Variants in FARP1 observed in about 807,000 individuals in gnomAD.
The protein encoded by FARP1 is FERM, ARHGEF and pleckstrin domain-containing protein 1.
FARP1 carries 52 observed loss-of-function variants against 128.8 expected under a neutral mutation model. The observed-to-expected ratio is 0.40, with a 90% CI of 0.32 to 0.51. FARP1 has a LOEUF of 0.51. Ranked by LOEUF, FARP1 falls within the 20% of genes least tolerant of loss-of-function variation. The pLI is 0.45. For synonymous variants in FARP1, 580 were observed against 551.8 expected (o/e 1.05, Z -0.72); for missense variants, 1,333 against 1,367.9 (o/e 0.97, Z 0.40).
intron 1 of FARP1, among the ~76,000 whole-genome samples, chr13:98,147,182 G>A (rs917366678): frequency 6.6e-6 from 1 of 152,158 alleles, no homozygotes. Flanking sequence ...TTGGCCAAGT[G>A]GATACTTTGA....
At chr13:98,371,223 T>G (rs969288751) in intron 5 of FARP1, among the ~76,000 whole-genome samples, 1 of 146,760 alleles carries the variant, frequency 6.8e-6, no homozygotes, top group African/African-American at 2.5e-5. Flanking sequence ...CCCCCGTTTT[T>G]TTTTTTTTTT....
At chr13:98,368,051 T>G in intron 4 of FARP1, 66 bp from the exon 5 acceptor site, 1 of 1,304,330 alleles carries the variant, frequency 7.7e-7, no homozygotes, top group Non-Finnish European at 1.1e-6. Context: ...TGTAAAGTCT[T>G]TTTCTTTAAT....
In FARP1 at chr13:98,454,938, TAAAGTTTTAAACAC is replaced by T. The variant is rs1468857977; in HGVS notation, c.*6624_*6637del. On this transcript the variant is annotated 3_prime_UTR_variant, in exon 27 of 27. Transcript: ENST00000319562. ...GCTTCCCCCATGCATCACTGCAAAG[TAAAGTTTTAAACAC>T]AACACAGACATCAGGTAGCTACAGA... The T allele has an allele frequency of 6.6e-6, 1 of 152,248 alleles. No homozygotes were observed. Among genetic ancestry groups the T allele is most frequent in the Non-Finnish European group, 1.5e-5 (1 of 68,090 alleles). 9.4% of individuals were successfully genotyped at this position (152,248 alleles called of 1,614,324 possible).
intron 1 of FARP1, among the ~76,000 whole-genome samples, chr13:98,193,302 C>G (rs1488261477): frequency 1.3e-5 from 2 of 152,106 alleles, no homozygotes; most frequent in Non-Finnish European, 2.9e-5. Flanking sequence ...GTGATCCACC[C>G]GCCTCGGCCT....
At chr13:98,355,038 G>T (rs1245919016) in intron 3 of FARP1, among the ~76,000 whole-genome samples, 1 of 152,112 alleles carries the variant, frequency 6.6e-6, no homozygotes, top group Non-Finnish European at 1.5e-5. Flanking sequence ...GATAAAATAT[G>T]AAACCATTTT....
chr13:98,228,614 A>G (rs1452631225), intron 2 of FARP1, among the ~76,000 whole-genome samples: 1 of 152,164 alleles, frequency 6.6e-6, no homozygotes, highest in Admixed American at 6.5e-5. Context: ...GATCCATCAG[A>G]CCCTTTAAGG....
chr13:98,149,330 G>A (rs950556373), intron 1 of FARP1, among the ~76,000 whole-genome samples: 33 of 152,048 alleles, frequency 2.2e-4, no homozygotes, highest in Non-Finnish European at 4.6e-4. Context: ...TCCGTGGCTG[G>A]ATATGCTATG....
chr13:98,344,613 A>T (rs74630821), intron 3 of FARP1, among the ~76,000 whole-genome samples: 1 of 152,210 alleles, frequency 6.6e-6, no homozygotes, highest in East Asian at 1.9e-4. Flanking sequence ...TGTGATTATT[A>T]TGAATGTCTG....
intron 13 of FARP1, chr13:98,404,099 C>G (rs1241736829): frequency 1.3e-5 from 2 of 152,668 alleles, no homozygotes; most frequent in African/African-American, 2.4e-5. Context: ...TCTCCTGTGT[C>G]TTTTCCTCAT....
At chr13:98,165,709 G>GTTTTT (rs1566685742) in intron 1 of FARP1, among the ~76,000 whole-genome samples, 9 of 102,400 alleles carry the variant, frequency 8.8e-5, no homozygotes, top group Admixed American at 2.2e-4. Flanking sequence ...TTCCAGAAGG[G>GTTTTT]GTTTTTTTTT....
chr13:98,313,313 A>ACAC (rs1886572345), intron 2 of FARP1, among the ~76,000 whole-genome samples: 1 of 139,392 alleles, frequency 7.2e-6, no homozygotes, highest in African/African-American at 2.7e-5. Context: ...CCTTCCCCCA[A>ACAC]ACACACACAC....
chr13:98,434,203 C>A (rs1262248624), intron 18 of FARP1: 2 of 152,166 alleles, frequency 1.3e-5, no homozygotes, highest in Non-Finnish European at 2.9e-5. Flanking sequence ...CACGCCCCTG[C>A]CCCTGAGCAC....
intron 2 of FARP1, among the ~76,000 whole-genome samples, chr13:98,323,024 C>T (rs1477275780): frequency 1.3e-5 from 2 of 152,170 alleles, no homozygotes; most frequent in African/African-American, 4.8e-5. Context: ...TATATGGTTG[C>T]TGGCACTACA....
At chr13:98,167,327 C>CT (rs1877335268) in intron 1 of FARP1, among the ~76,000 whole-genome samples, 1 of 149,810 alleles carries the variant, frequency 6.7e-6, no homozygotes, top group Non-Finnish European at 1.5e-5. Flanking sequence ...TGGCTTTGCA[C>CT]TTTTTTAGTT....
At chr13:98,261,276 G>C (rs1279955057) in intron 2 of FARP1, among the ~76,000 whole-genome samples, 1 of 152,298 alleles carries the variant, frequency 6.6e-6, no homozygotes, top group South Asian at 2.1e-4. Context: ...TCATGTGTGG[G>C]CGACCCCTGG....
At chr13:98,337,445 T>G (rs1338315963) in intron 2 of FARP1, among the ~76,000 whole-genome samples, 2 of 152,112 alleles carry the variant, frequency 1.3e-5, no homozygotes, top group African/African-American at 4.8e-5. Context: ...CATCAGATCC[T>G]TCTCATATTA....
intron 2 of FARP1, among the ~76,000 whole-genome samples, chr13:98,282,807 A>C (rs1338722676): frequency 1.3e-5 from 2 of 152,208 alleles, no homozygotes; most frequent in African/African-American, 2.4e-5. Context: ...AGGCTGAGGC[A>C]GGAGAATCGC....
chr13:98,218,684 G>A (rs529213405), intron 2 of FARP1, among the ~76,000 whole-genome samples: 18 of 152,252 alleles, frequency 1.2e-4, no homozygotes, highest in African/African-American at 3.9e-4. Flanking sequence ...TGCCAGTTGC[G>A]GGCCGCAGGA....
chr13:98,259,777 G>C (rs1214032948), intron 2 of FARP1, among the ~76,000 whole-genome samples: 2 of 152,066 alleles, frequency 1.3e-5, no homozygotes, highest in Non-Finnish European at 2.9e-5. Flanking sequence ...GTCAGGTGGA[G>C]CTTGGCTTAA....
Sources: allele counts gnomAD v4.1 joint callset (sites outside exome capture counted in the v4.1 genomes callset), GRCh38; gene constraint gnomAD v4.1.1; transcripts MANE v1.5; gene names NCBI Gene and HGNC (gene_info 2026-07-23, HGNC 2026-07-21).